The following FIGNL2 variants were observed in gnomAD, a reference collection of about 807,000 sequenced individuals.
FIGNL2 encodes the protein fidgetin-like protein 2.
For synonymous variants in FIGNL2, 565 were observed against 484.0 expected (o/e 1.17, Z -2.20); for missense variants, 1,060 against 950.2 (o/e 1.12, Z -1.52).
At chr12:51,842,438 G>A (rs1045387762) in intron 1 of FIGNL2, among the ~76,000 whole-genome samples, 12 of 152,178 alleles carry the variant, frequency 7.9e-5, no homozygotes, top group Non-Finnish European at 1.8e-4. Context: ...AGACAGGCTG[G>A]GTGGGGAGGG....
At chr12:51,848,283 G>C in intron 1 of FIGNL2, 3 of 984,842 alleles carry the variant, frequency 3.0e-6, no homozygotes, top group Non-Finnish European at 3.6e-6. Flanking sequence ...GCTGCGAGAC[G>C]GGTGCCCGTC....
chr12:51,835,707 C>T (rs1939568352), intron 1 of FIGNL2, among the ~76,000 whole-genome samples: 1 of 152,170 alleles, frequency 6.6e-6, no homozygotes, highest in African/African-American at 2.4e-5. Context: ...CTTTCCATCA[C>T]CATAGAAAGT....
At chr12:51,829,025 A>AG (rs1402736338) in intron 1 of FIGNL2, among the ~76,000 whole-genome samples, 1 of 152,050 alleles carries the variant, frequency 6.6e-6, no homozygotes, top group African/African-American at 2.4e-5. Flanking sequence ...CGTCACCCAT[A>AG]GGGGAGGGAA....
Position 51,821,865 on chromosome 12 carries a change from G to A in FIGNL2, c.549C>T (p.Pro183=), listed in dbSNP as rs1939212585. ...AQTGAALPPP[P]PAALLQPPPP... ...GTGGGGGCTGCAGGAGCGCGGCCGG[G>A]GGCGGCGGGGGCAGCGCGGCGCCCG... Residue 183 remains proline (P), a synonymous_variant, in exon 2 of 2, where the codon CCC becomes CCT. Coordinates refer to ENST00000618634, the MANE Select transcript of FIGNL2 (RefSeq NM_001384995.1). 7.7e-7 allele frequency: 1 copy of A among 1,298,060 alleles called. No individual in the cohort carries two copies. The highest frequency in any genetic ancestry group is 9.7e-7 in the Non-Finnish European group (1 of 1,026,276). The allele number at this position is 1,298,060 out of a possible 1,614,324, so 80.4% of individuals were successfully genotyped here. A position where few individuals can be genotyped will look rare whatever the true frequency, so the allele number is the denominator to read the frequency against.
chr12:51,823,659 G>GC (rs1734900453), intron 1 of FIGNL2: 1 of 152,172 alleles, frequency 6.6e-6, no homozygotes, highest in African/African-American at 2.4e-5. Flanking sequence ...AGACTAAGAG[G>GC]CCCATGGCAC....
chr12:51,824,776 G>T (rs771681143), intron 1 of FIGNL2, among the ~76,000 whole-genome samples: 1 of 152,226 alleles, frequency 6.6e-6, no homozygotes, highest in East Asian at 1.9e-4. Flanking sequence ...AGGCTCAGTG[G>T]CTCATGCCTG....
Position 51,820,051 on chromosome 12 carries a change from A to G in FIGNL2, c.*401T>C. 1 of 206,854 alleles carries G rather than the reference A, an allele frequency of 4.8e-6. No homozygotes were observed. Among genetic ancestry groups the G allele is most frequent in the Non-Finnish European group, 9.7e-6 (1 of 102,654 alleles). 12.8% of individuals were successfully genotyped at this position (206,854 alleles called of 1,614,324 possible). On this transcript the variant is annotated 3_prime_UTR_variant, in exon 2 of 2. Transcript: ENST00000618634. ...TCAGCGACAAAGCAAAAGGGAGAGA[A>G]AACCAAGAGAATGCAGAGAATGGGA...
At chr12:51,835,132 C>G (rs1939558285) in intron 1 of FIGNL2, among the ~76,000 whole-genome samples, 1 of 152,122 alleles carries the variant, frequency 6.6e-6, no homozygotes, top group Non-Finnish European at 1.5e-5. Flanking sequence ...CACAGCCTCC[C>G]ACCCATCCCC....
intron 1 of FIGNL2, among the ~76,000 whole-genome samples, chr12:51,842,528 G>T (rs1429141285): frequency 6.6e-6 from 1 of 152,094 alleles, no homozygotes; most frequent in Non-Finnish European, 1.5e-5. Context: ...TTTCCCCACT[G>T]GCCTGGAAAG....
In FIGNL2 at chr12:51,820,562, G is replaced by A. The variant is rs1297629673; in HGVS notation, c.1852C>T (p.Leu618Phe). 3.3e-6 allele frequency: 5 copies of A among 1,534,418 alleles called. No homozygotes were observed. The highest frequency in any genetic ancestry group is 2.5e-5 in the East Asian group (1 of 40,724). The change falls in exon 2 of 2, where the codon CTC becomes TTC. Residue 618 changes from leucine to phenylalanine, a missense_variant. By Grantham distance (22) the Leu-to-Phe change is conservative. Coordinates refer to ENST00000618634, the MANE Select transcript of FIGNL2 (RefSeq NM_001384995.1). ...GCCGCCTCCAGGTCCTTGTAGGAGA[G>A]GGGGCGCTGCAGCCCCGGGAGGCCC... Reference protein sequence around the residue: ...GAGLPGLQRPLSYKDLEAALA... With the variant: ...GAGLPGLQRPFSYKDLEAALA...
intron 1 of FIGNL2, among the ~76,000 whole-genome samples, chr12:51,846,549 C>G (rs147592668): frequency 1.3e-5 from 2 of 152,168 alleles, no homozygotes; most frequent in Non-Finnish European, 2.9e-5. Context: ...GGCTCTGCGA[C>G]GCCACACTCA....
Position 51,821,018 on chromosome 12 carries a change from C to G in FIGNL2, c.1396G>C (p.Ala466Pro), listed in dbSNP as rs1939165792. Residue 466 changes from alanine (A) to proline (P), a missense_variant, in exon 2 of 2, where the codon GCC (alanine) becomes CCC (proline). By Grantham distance (27) the Ala-to-Pro change is conservative (BLOSUM62 -1). Transcript: ENST00000618634. ...TGGAGGAGGCGCGCGCCCTCGGCGG[C>G]GCCGGGCGCAGCCAGGGTCGCGCCG... is the stretch of plus-strand genomic sequence containing the variant. Reference protein sequence around the residue: ...LRGATLAAPGAAEGARLLQAA... With the variant: ...LRGATLAAPGPAEGARLLQAA... 6 of 1,174,412 alleles carry G rather than the reference C, an allele frequency of 5.1e-6. No homozygotes were observed. Among genetic ancestry groups the G allele is most frequent in the Non-Finnish European group, 6.3e-6 (6 of 953,162 alleles). 72.7% of individuals were successfully genotyped at this position (1,174,412 alleles called of 1,614,324 possible).
At position 51,821,906 on chromosome 12, in the gene FIGNL2, C is replaced by G. The variant is rs867213516; in HGVS notation, c.508G>C (p.Gly170Arg). 1.4e-5 allele frequency: 21 copies of G among 1,466,956 alleles called. No individual in the cohort carries two copies. The highest frequency in any genetic ancestry group is 2.5e-4 in the Middle Eastern group (1 of 4,036). The allele number at this position is 1,466,956 out of a possible 1,614,324, so 90.9% of individuals were successfully genotyped here. Residue 170 changes from glycine to arginine, a missense_variant, in exon 2 of 2, where the codon GGT (glycine) becomes CGT (arginine). By Grantham distance (125) the Gly-to-Arg change is moderately radical (BLOSUM62 -2). Transcript: ENST00000618634. ...AGYGGGYLAP[G>R]YCAQTGAALP... ...GCGGCGCCCGTCTGCGCGCAGTAACCCGGCGCCAGGTACCCCCCGCCGTAG... is the reference window on the plus strand; with the variant it reads ...GCGGCGCCCGTCTGCGCGCAGTAACGCGGCGCCAGGTACCCCCCGCCGTAG...
rs34455818 is a variant in FIGNL2, at chr12:51,822,306, AG to A, written c.107del (p.Pro36LeufsTer25). On this transcript the variant is annotated frameshift_variant, in exon 2 of 2. Coordinates refer to ENST00000618634, the MANE Select transcript of FIGNL2 (RefSeq NM_001384995.1). LOFTEE classifies it low-confidence loss of function (END_TRUNC). ...PSPAHKLELP[P>X]GGRQRCHYAW... ...CGTAGTGGCAGCGTTGGCGACCCCC[AG>A]GGGGCAACTCCAACTTGTGGGCCGG... is the stretch of plus-strand genomic sequence containing the variant. The A allele has an allele frequency of 5.0e-6, 8 of 1,611,906 alleles. No individual in the cohort carries two copies. Among genetic ancestry groups the A allele is most frequent in the Non-Finnish European group, 6.8e-6 (8 of 1,179,172 alleles).
chr12:51,836,923 C>T (rs1418894987), intron 1 of FIGNL2, among the ~76,000 whole-genome samples: 4 of 152,152 alleles, frequency 2.6e-5, no homozygotes, highest in African/African-American at 7.2e-5. Flanking sequence ...GACACACACA[C>T]TCCCAGCTGC....
In FIGNL2 at chr12:51,821,657, G is replaced by C; in HGVS notation, c.757C>G (p.Pro253Ala). ...GATTCGGCACCCGGCGCGGCCGTGG[G>C]GAAGCCATAGGCGGTGGGCGGTGCC... ...APAPPTAYGF[P>A]TAAPGAESGL... The change falls in exon 2 of 2, where the codon CCC becomes GCC. Residue 253 changes from proline to alanine, a missense_variant. Physicochemically the swap from Pro to Ala is conservative, Grantham distance 27. Transcript: ENST00000618634. 6.8e-7 allele frequency: 1 copy of C among 1,461,354 alleles called. No homozygotes were observed. Among genetic ancestry groups the C allele is most frequent in the Admixed American group, 2.3e-5 (1 of 42,668 alleles). 90.5% of individuals were successfully genotyped at this position (1,461,354 alleles called of 1,614,324 possible).
intron 1 of FIGNL2, among the ~76,000 whole-genome samples, chr12:51,829,961 T>G (rs1939421021): frequency 6.6e-6 from 1 of 152,074 alleles, no homozygotes; most frequent in African/African-American, 2.4e-5. Context: ...ATATGGTGAC[T>G]AGAGTTAATA....
chr12:51,823,781 T>C (rs1939275407), intron 1 of FIGNL2, among the ~76,000 whole-genome samples: 1 of 152,232 alleles, frequency 6.6e-6, no homozygotes. Flanking sequence ...CAACGGATTT[T>C]TATGGAGCAC....
chr12:51,821,741 G>T lies in FIGNL2; in HGVS notation c.673C>A (p.Pro225Thr). 2 of 1,289,422 alleles carry T rather than the reference G, an allele frequency of 1.6e-6. No homozygotes were observed. Among genetic ancestry groups the T allele is most frequent in the South Asian group, 5.2e-5 (2 of 38,620 alleles). 79.9% of individuals were successfully genotyped at this position (1,289,422 alleles called of 1,614,324 possible). A position where few individuals can be genotyped will look rare whatever the true frequency, so the allele number is the denominator to read the frequency against. ...GGGGTCAGGTAGGGGGCCGGGGGTG[G>T]GCCTGGGGGCGGCGGGAGCGCGCCA... ...GYGALPPPPG[P>T]PPAPYLTPGL... Residue 225 changes from proline to threonine, a missense_variant, in exon 2 of 2, where the codon CCA becomes ACA. Coordinates refer to ENST00000618634, the MANE Select transcript of FIGNL2 (RefSeq NM_001384995.1).
Sources: allele counts gnomAD v4.1 joint callset (sites outside exome capture counted in the v4.1 genomes callset), GRCh38; gene constraint gnomAD v4.1.1; transcripts MANE v1.5; gene names NCBI Gene and HGNC (gene_info 2026-07-23, HGNC 2026-07-21).